Variants in FARP2 observed in about 807,000 individuals in gnomAD.
FARP2 encodes FERM, ARH/RhoGEF and pleckstrin domain protein 2.
Under a neutral mutation model 130.5 loss-of-function variants are expected in FARP2, and 111 were observed. That is an observed-to-expected ratio of 0.85 (90% confidence interval 0.73 to 1.00). FARP2 has a LOEUF of 1.00. Among genes scored for constraint, FARP2 ranks in the 50% least tolerant of loss-of-function variants. The pLI is 0.00. For missense variants in FARP2, 1,385 were observed against 1,346.3 expected, an observed-to-expected ratio of 1.03 and a Z score of -0.45; for synonymous variants, 504 against 516.9, an observed-to-expected ratio of 0.98 and a Z score of 0.34.
intron 2 of FARP2, among the ~76,000 whole-genome samples, chr2:241,374,707 G>A (rs757925603): frequency 1.3e-5 from 2 of 152,194 alleles, no homozygotes; most frequent in East Asian, 1.9e-4. Context: ...GGGAACCTGG[G>A]TGCTTTTCTG....
rs545497956 is a variant in FARP2 at position 241,411,546 on chromosome 2, C to T, written c.508+416C>T. Among the ~76,000 whole-genome samples, 91 of 152,238 alleles carry T rather than the reference C, an allele frequency of 6.0e-4. 1 individual carries two copies. Among genetic ancestry groups the T allele is most frequent in the Non-Finnish European group, 1.1e-3 (74 of 68,046 alleles). ...CATTAGCCATGAAGGAAAAAGAAGA[C>T]ATTTCTTCAGTATCTCACACAGATC... On this transcript the variant is annotated intron_variant, in intron 6 of 26. Transcript: ENST00000264042.
intron 2 of FARP2, among the ~76,000 whole-genome samples, chr2:241,391,491 A>G (rs745961283): frequency 3.0e-4 from 45 of 152,220 alleles, no homozygotes; most frequent in African/African-American, 9.4e-4. Flanking sequence ...TCAGATGGCA[A>G]TCCCCTCCAC....
chr2:241,413,229 C>G, intron 6 of FARP2, 78 bp from the exon 7 acceptor site: 1 of 775,692 alleles, frequency 1.3e-6, no homozygotes, highest in Non-Finnish European at 2.0e-6. Context: ...TTTTTTTTTA[C>G]TTTTAATGTA....
At chr2:241,474,070 G>A (rs1352470314) in intron 18 of FARP2, among the ~76,000 whole-genome samples, 2 of 152,078 alleles carry the variant, frequency 1.3e-5, no homozygotes, top group Admixed American at 1.3e-4. Context: ...ACTTTGGGAG[G>A]CCGAGGCTGG....
chr2:241,368,046 A>C (rs1401154602), intron 1 of FARP2, among the ~76,000 whole-genome samples: 1 of 150,918 alleles, frequency 6.6e-6, no homozygotes, highest in Non-Finnish European at 1.5e-5. Flanking sequence ...TACTCAGTAC[A>C]TCATTATCAC....
chr2:241,412,480 C>T (rs1405300094), intron 6 of FARP2, among the ~76,000 whole-genome samples: 2 of 152,160 alleles, frequency 1.3e-5, no homozygotes, highest in Non-Finnish European at 2.9e-5. Context: ...AACTCTTGTA[C>T]TGTGCTTGTA....
intron 21 of FARP2, 98 bp from the exon 22 acceptor site, chr2:241,489,864 C>T: frequency 1.3e-6 from 1 of 785,236 alleles, no homozygotes; most frequent in Non-Finnish European, 2.2e-6. Context: ...CTTCCAAGCC[C>T]CACCTAGCAT....
intron 2 of FARP2, among the ~76,000 whole-genome samples, chr2:241,390,793 G>A (rs1575492825): frequency 6.6e-6 from 1 of 151,554 alleles, no homozygotes; most frequent in African/African-American, 2.4e-5. Flanking sequence ...CTCATTCTTC[G>A]GTGACTAATT....
At chr2:241,397,624 G>T (rs1575503688) in intron 2 of FARP2, among the ~76,000 whole-genome samples, 1 of 151,992 alleles carries the variant, frequency 6.6e-6, no homozygotes, top group South Asian at 2.1e-4. Context: ...GGGAGGTAGA[G>T]GTTGGAGAGA....
chr2:241,463,685 C>CTT, intron 16 of FARP2: 1 of 678,358 alleles, frequency 1.5e-6, no homozygotes, highest in Non-Finnish European at 2.5e-6. Flanking sequence ...AATGGAAGAT[C>CTT]CCTTTTTGCC....
chr2:241,402,886 T>TTA (rs2062230632), intron 2 of FARP2, among the ~76,000 whole-genome samples: 2 of 53,256 alleles, frequency 3.8e-5, no homozygotes, highest in Non-Finnish European at 6.6e-5. Context: ...ATATATTTTT[T>TTA]TTTTTTTTTT....
intron 17 of FARP2, chr2:241,465,705 A>C (rs752231200): frequency 6.4e-7 from 1 of 1,550,954 alleles, no homozygotes; most frequent in Admixed American, 2.0e-5. Context: ...TGACCGCCCA[A>C]GGTGTGGAGC....
intron 2 of FARP2, among the ~76,000 whole-genome samples, chr2:241,373,606 C>T (rs2061471815): frequency 6.6e-6 from 1 of 152,194 alleles, no homozygotes; most frequent in Admixed American, 6.5e-5. Context: ...CAGCTTAAGC[C>T]ACCTGGTCTC....
intron 2 of FARP2, among the ~76,000 whole-genome samples, chr2:241,393,830 A>G (rs1367470433): frequency 6.6e-6 from 1 of 152,232 alleles, no homozygotes; most frequent in African/African-American, 2.4e-5. Flanking sequence ...GTTTATACCT[A>G]AGCCTGGAAA....
chr2:241,370,978 T>A (rs942477463), intron 1 of FARP2, among the ~76,000 whole-genome samples: 1 of 152,228 alleles, frequency 6.6e-6, no homozygotes, highest in African/African-American at 2.4e-5. Context: ...TGTTTAGGAA[T>A]TAGGATGGGA....
At chr2:241,470,353 G>C (rs2064275241) in intron 18 of FARP2, among the ~76,000 whole-genome samples, 1 of 152,144 alleles carries the variant, frequency 6.6e-6, no homozygotes, top group Non-Finnish European at 1.5e-5. Flanking sequence ...TTCTGAGGGG[G>C]ACCCTTTTCT....
At position 241,482,738 on chromosome 2, in the gene FARP2, C is replaced by T. The variant is rs1449968162; in HGVS notation, c.2263-727C>T. Among the ~76,000 whole-genome samples the T allele has an allele frequency of 6.6e-6, 1 of 152,162 alleles. No individual in the cohort carries two copies. The highest frequency in any genetic ancestry group is 1.5e-5 in the Non-Finnish European group (1 of 68,036). On this transcript the variant is annotated intron_variant, in intron 19 of 26. Coordinates refer to ENST00000264042, the MANE Select transcript of FARP2 (RefSeq NM_014808.4). This position sits in a 1 kb window ranked among gnomAD's most constrained non-coding sequence, Gnocchi z 4.6. ...GGAGGCCCCTAGCACATTCTCCGGACACCTGCTGCTCCTCCTGTTTGTCTG... is the reference window on the plus strand; with the variant it reads ...GGAGGCCCCTAGCACATTCTCCGGATACCTGCTGCTCCTCCTGTTTGTCTG...
intron 1 of FARP2, among the ~76,000 whole-genome samples, chr2:241,362,307 A>G (rs183017573): frequency 2.0e-5 from 3 of 152,238 alleles, no homozygotes; most frequent in African/African-American, 7.2e-5. Context: ...GAGAGTGTTT[A>G]AAAATATTAA....
At chr2:241,452,596 A>C (rs1348332962) in intron 13 of FARP2, among the ~76,000 whole-genome samples, 2 of 151,994 alleles carry the variant, frequency 1.3e-5, no homozygotes, top group East Asian at 3.8e-4. Flanking sequence ...TGAGGCCAGG[A>C]GTTCAAGTTC....
Sources: gnomAD v4.1 joint callset for allele counts (sites outside exome capture counted in the v4.1 genomes callset) on GRCh38, gnomAD v4.1.1 for gene constraint, Gnocchi (gnomAD v3.1) non-coding constraint, MANE v1.5 for transcripts, NCBI Gene and HGNC (gene_info 2026-07-23, HGNC 2026-07-21) for gene names.